The following FOLH1 variants were observed in gnomAD, a reference collection of about 807,000 sequenced individuals.
FOLH1 encodes the protein folate hydrolase 1.
Under a neutral mutation model 93.9 loss-of-function variants are expected in FOLH1, and 54 were observed. The observed-to-expected ratio is 0.57, with a 90% CI of 0.46 to 0.72. The LOEUF (loss-of-function observed/expected upper bound fraction) is 0.72, where lower values mean the gene tolerates loss of function less well. FOLH1 is among the 30% of genes least tolerant of loss of function. The pLI is 0.00. For missense variants in FOLH1, 571 were observed against 892.5 expected (o/e 0.64, Z 4.59); for synonymous variants, 249 against 303.6 (o/e 0.82, Z 1.87).
chr11:49,170,665 C>T (rs1243749127), intron 11 of FOLH1, among the ~76,000 whole-genome samples: 1 of 152,150 alleles, frequency 6.6e-6, no homozygotes, highest in African/African-American at 2.4e-5. Context: ...TGATAGAAAT[C>T]AAACATGATA....
chr11:49,157,395 T>C (rs1019639054), intron 14 of FOLH1, among the ~76,000 whole-genome samples: 5 of 152,166 alleles, frequency 3.3e-5, no homozygotes, highest in Non-Finnish European at 7.4e-5. Flanking sequence ...ATGGGTTGAG[T>C]ATCCCTAATC....
chr11:49,206,373 C>A (rs1304552745), intron 1 of FOLH1: 4 of 913,478 alleles, frequency 4.4e-6, no homozygotes, highest in Admixed American at 4.1e-5. Flanking sequence ...AGTTGCAAAC[C>A]AATTGCAAAA....
Position 49,165,214 on chromosome 11 carries a change from A to G in FOLH1, c.1373-442T>C, listed in dbSNP as rs1371139157. On this transcript the variant is annotated intron_variant, in intron 12 of 18. Transcript: ENST00000256999. ...TTAACCTTGGCTCTTGTTTCTCTAT[A>G]TTACTCATCTATTTAACATAAAACA... Among the ~76,000 whole-genome samples, 5 of 152,206 alleles carry G rather than the reference A, an allele frequency of 3.3e-5. No homozygotes were observed. In the South Asian group the frequency reaches 6.2e-4, roughly 19 times the overall value.
At position 49,146,698 on chromosome 11, in the gene FOLH1, C is replaced by A. The variant is rs1314040300; in HGVS notation, c.*58G>T. On this transcript the variant is annotated 3_prime_UTR_variant, in exon 19 of 19. Transcript: ENST00000256999. ...TTAAAATTTATCAATATACCCATTA[C>A]GATTCTTTCTGAGTGACATACCACA... 12 of 1,511,512 alleles carry A rather than the reference C, an allele frequency of 7.9e-6. No individual in the cohort carries two copies. Among genetic ancestry groups the A allele is most frequent in the African/African-American group, 1.4e-5 (1 of 71,586 alleles). 93.6% of individuals were successfully genotyped at this position (1,511,512 alleles called of 1,614,324 possible).
At chr11:49,159,754 G>T (rs1402082337) in intron 13 of FOLH1, among the ~76,000 whole-genome samples, 1 of 152,002 alleles carries the variant, frequency 6.6e-6, no homozygotes, top group African/African-American at 2.4e-5. Flanking sequence ...GAATCCATTT[G>T]GTCCTTGGCT....
chr11:49,174,143 A>G (rs1361913239), intron 9 of FOLH1, among the ~76,000 whole-genome samples: 1 of 152,124 alleles, frequency 6.6e-6, no homozygotes, highest in African/African-American at 2.4e-5. Flanking sequence ...CTGGCACAAA[A>G]TAGGTACTCG....
At position 49,146,767 on chromosome 11, in the gene FOLH1, C is replaced by T. The variant is rs1855811451; in HGVS notation, c.2242G>A (p.Glu748Lys). The change falls in exon 19 of 19, where the codon GAA becomes AAA. Residue 748 changes from glutamate to lysine, a missense_variant. Coordinates refer to ENST00000256999, the MANE Select transcript of FOLH1 (RefSeq NM_004476.3). ...TVQAAAETLS[E>K]VA is the part of the protein sequence containing the mutation. The stretch of plus-strand genomic sequence containing the variant: ...TCTAAAGAATCCTCTTAGGCTACTT[C>T]ACTCAAAGTCTCTGCAGCTGCCTGC... 4 of 1,610,372 alleles carry T rather than the reference C, an allele frequency of 2.5e-6. No homozygotes were observed. The highest frequency in any genetic ancestry group is 3.4e-6 in the Non-Finnish European group (4 of 1,178,252).
At chr11:49,194,752 C>T (rs1381120528) in intron 3 of FOLH1, among the ~76,000 whole-genome samples, 1 of 151,546 alleles carries the variant, frequency 6.6e-6, no homozygotes, top group Non-Finnish European at 1.5e-5. Context: ...AAAAGAAATA[C>T]CAAACAAATA....
At chr11:49,157,038 G>T (rs940400749) in intron 14 of FOLH1, among the ~76,000 whole-genome samples, 1 of 152,000 alleles carries the variant, frequency 6.6e-6, no homozygotes, top group African/African-American at 2.4e-5. Flanking sequence ...TTTGTTAAAG[G>T]TTTCTGAAGT....
At chr11:49,193,897 CG>C (rs1565203708) in intron 3 of FOLH1, among the ~76,000 whole-genome samples, 2 of 151,748 alleles carry the variant, frequency 1.3e-5, no homozygotes, top group Non-Finnish European at 2.9e-5. Context: ...AGGTGGCTCA[CG>C]CCTGTAATCC....
At chr11:49,194,244 G>T (rs1293938992) in intron 3 of FOLH1, among the ~76,000 whole-genome samples, 1 of 151,492 alleles carries the variant, frequency 6.6e-6, no homozygotes, top group Non-Finnish European at 1.5e-5. Flanking sequence ...AGGAAAAAAG[G>T]GTTCCAGATA....
At chr11:49,185,258 A>T (rs1490620193) in intron 6 of FOLH1, among the ~76,000 whole-genome samples, 1 of 152,156 alleles carries the variant, frequency 6.6e-6, no homozygotes, top group Non-Finnish European at 1.5e-5. Context: ...TTTGAAAGCA[A>T]AATTTGACTT....
chr11:49,188,712 G>T (rs550554338), intron 4 of FOLH1, among the ~76,000 whole-genome samples: 3 of 152,210 alleles, frequency 2.0e-5, no homozygotes, highest in African/African-American at 7.2e-5. Context: ...ATTATTGCTA[G>T]AATGAGACTG....
At position 49,155,697 on chromosome 11, in the gene FOLH1, T is replaced by A. The variant is rs1856925559; in HGVS notation, c.1623+1020A>T. The A allele has an allele frequency of 4.0e-5, 6 of 150,618 alleles. No homozygotes were observed. In the South Asian group the frequency reaches 1.2e-3, roughly 30 times the overall value. 9.3% of individuals were successfully genotyped at this position (150,618 alleles called of 1,614,324 possible). ...GGGTGGTATGAATATGAAATGGAAA[T>A]AAGAAACAACTGTTTTTAATTATAA... On this transcript the variant is annotated intron_variant, in intron 15 of 18. Coordinates refer to ENST00000256999, the MANE Select transcript of FOLH1 (RefSeq NM_004476.3).
intron 7 of FOLH1, among the ~76,000 whole-genome samples, chr11:49,178,514 G>T (rs1225404472): frequency 6.6e-6 from 1 of 151,920 alleles, no homozygotes; most frequent in African/African-American, 2.4e-5. Context: ...AACTAGAAGA[G>T]AACATAATAA....
chr11:49,177,034 G>T (rs1454634335), intron 7 of FOLH1, among the ~76,000 whole-genome samples: 1 of 152,192 alleles, frequency 6.6e-6, no homozygotes, highest in African/African-American at 2.4e-5. Context: ...TTTCTTCTGT[G>T]CCTGTACACG....
intron 13 of FOLH1, among the ~76,000 whole-genome samples, chr11:49,161,993 ACTGTTAGG>A (rs1857757669): frequency 6.6e-6 from 1 of 152,150 alleles, no homozygotes; most frequent in Non-Finnish European, 1.5e-5. Context: ...TGAGAGGTCC[ACTGTTAGG>A]CTGATGGGCT....
intron 4 of FOLH1, among the ~76,000 whole-genome samples, chr11:49,188,888 T>C (rs1195318028): frequency 1.3e-5 from 2 of 152,254 alleles, no homozygotes; most frequent in Non-Finnish European, 2.9e-5. Context: ...AAGTGTCTTT[T>C]AATGATATTA....
chr11:49,172,060 T>A (rs1239702452), intron 10 of FOLH1, among the ~76,000 whole-genome samples: 2 of 152,178 alleles, frequency 1.3e-5, no homozygotes, highest in African/African-American at 4.8e-5. Flanking sequence ...GTAGTCATCA[T>A]CTTAGTAAAT....
Sources: allele counts gnomAD v4.1 joint callset (sites outside exome capture counted in the v4.1 genomes callset), GRCh38; gene constraint gnomAD v4.1.1; transcripts MANE v1.5; gene names NCBI Gene and HGNC (gene_info 2026-07-23, HGNC 2026-07-21).